The following PTPRD variants were observed in gnomAD, a reference collection of about 807,000 sequenced individuals.
The protein encoded by PTPRD is receptor-type tyrosine-protein phosphatase delta.
A neutral mutation model predicts 214.5 loss-of-function variants in PTPRD; 34 were observed. That is an observed-to-expected ratio of 0.16 (90% CI 0.12 to 0.21). The LOEUF is 0.21. Ranked by LOEUF, PTPRD falls within the 10% of genes least tolerant of loss-of-function variation. The pLI is 1.00. For missense variants in PTPRD, 2,545 were observed against 2,398.7 expected (o/e 1.06, Z -1.27); for synonymous variants, 1,128 against 845.7 (o/e 1.33, Z -5.79).
intron 9 of PTPRD, among the ~76,000 whole-genome samples, chr9:9,192,610 A>G (rs948663812): frequency 6.6e-6 from 1 of 152,112 alleles, no homozygotes; most frequent in Non-Finnish European, 1.5e-5. Flanking sequence ...AGATGATGAG[A>G]CAATAAAACA....
chr9:9,743,512 C>T (rs1225148707), intron 6 of PTPRD, among the ~76,000 whole-genome samples: 1 of 152,066 alleles, frequency 6.6e-6, no homozygotes. Context: ...ATTAGATAAT[C>T]CTGGACTTCA....
At chr9:9,633,353 A>G (rs2095654104) in intron 7 of PTPRD, among the ~76,000 whole-genome samples, 1 of 152,064 alleles carries the variant, frequency 6.6e-6, no homozygotes, top group Non-Finnish European at 1.5e-5. Context: ...GGGAAATTCA[A>G]GATAACACTT....
chr9:10,542,605 A>C (rs968825538), intron 2 of PTPRD, among the ~76,000 whole-genome samples: 1 of 152,116 alleles, frequency 6.6e-6, no homozygotes, highest in Non-Finnish European at 1.5e-5. Context: ...TTTTTCTCTC[A>C]GAGTTATAAT....
intron 3 of PTPRD, among the ~76,000 whole-genome samples, chr9:10,046,075 G>A (rs969037694): frequency 2.0e-5 from 3 of 151,606 alleles, no homozygotes; most frequent in African/African-American, 7.3e-5. Flanking sequence ...CCTTTAATTT[G>A]ATATACAGAA....
chr9:9,363,723 C>A (rs1437346763), intron 9 of PTPRD, among the ~76,000 whole-genome samples: 1 of 151,292 alleles, frequency 6.6e-6, no homozygotes, highest in Non-Finnish European at 1.5e-5. Flanking sequence ...ACTCTAGATT[C>A]TCTAAGAGAG....
intron 14 of PTPRD, among the ~76,000 whole-genome samples, chr9:8,591,523 G>T (rs1335659100): frequency 1.3e-5 from 2 of 152,098 alleles, no homozygotes; most frequent in East Asian, 1.9e-4. Context: ...CTGCTTGATT[G>T]CAATCAAAAT....
intron 8 of PTPRD, among the ~76,000 whole-genome samples, chr9:9,471,921 T>A (rs549904777): frequency 5.9e-5 from 9 of 152,276 alleles, no homozygotes; most frequent in South Asian, 2.1e-4. Context: ...ATGATTTTTT[T>A]AACTACAGTT....
intron 11 of PTPRD, among the ~76,000 whole-genome samples, chr9:8,845,420 A>G (rs1011926990): frequency 6.6e-6 from 1 of 152,214 alleles, no homozygotes; most frequent in African/African-American, 2.4e-5. Flanking sequence ...TCTCCTGGCT[A>G]GCTCTGGCGA....
At chr9:8,371,892 G>A (rs1355211088) in intron 39 of PTPRD, among the ~76,000 whole-genome samples, 1 of 151,948 alleles carries the variant, frequency 6.6e-6, no homozygotes, top group Admixed American at 6.6e-5. Flanking sequence ...TCAGAAGATG[G>A]CCCAAGGAGT....
At chr9:9,843,359 T>C (rs2058773211) in intron 5 of PTPRD, among the ~76,000 whole-genome samples, 1 of 152,074 alleles carries the variant, frequency 6.6e-6, no homozygotes, top group Admixed American at 6.6e-5. Flanking sequence ...ACATTTTTTT[T>C]TAGCCATAAA....
At chr9:9,874,347 G>T (rs1465068345) in intron 5 of PTPRD, among the ~76,000 whole-genome samples, 1 of 152,002 alleles carries the variant, frequency 6.6e-6, no homozygotes, top group East Asian at 1.9e-4. Context: ...TTAACTAAAA[G>T]TCTCTTAAAA....
At chr9:9,042,787 G>C (rs958496361) in intron 10 of PTPRD, among the ~76,000 whole-genome samples, 1 of 151,898 alleles carries the variant, frequency 6.6e-6, no homozygotes, top group Non-Finnish European at 1.5e-5. Context: ...TTTGTAAGTA[G>C]GGCACAGGAA....
intron 33 of PTPRD, among the ~76,000 whole-genome samples, chr9:8,455,752 T>C (rs188724318): frequency 1.1e-4 from 16 of 152,354 alleles, no homozygotes; most frequent in Non-Finnish European, 2.2e-4. Flanking sequence ...AAGAATTCTA[T>C]ATAAATGTTT....
Position 10,261,229 on chromosome 9 carries a change from G to T in PTPRD, c.-545+79734C>A, listed in dbSNP as rs193006537. On this transcript the variant is annotated intron_variant, in intron 3 of 45. Coordinates refer to ENST00000381196, the MANE Select transcript of PTPRD (RefSeq NM_002839.4). The stretch of plus-strand genomic sequence containing the variant: ...CAAAACAAAAACCTAGAGGATCATA[G>T]AAACTAGACACCTGCTATCAAATGA... Among the ~76,000 whole-genome samples the T allele has an allele frequency of 1.9e-3, 293 of 151,520 alleles. 1 individual carries two copies. The highest frequency in any genetic ancestry group is 3.3e-3 in the Non-Finnish European group (224 of 67,762).
chr9:9,232,993 C>T (rs569877752), intron 9 of PTPRD, among the ~76,000 whole-genome samples: 2 of 152,204 alleles, frequency 1.3e-5, no homozygotes, highest in East Asian at 1.9e-4. Context: ...ATTCTCTAAC[C>T]CAACCTTGTC....
chr9:8,975,780 G>A (rs562508029), intron 11 of PTPRD, among the ~76,000 whole-genome samples: 1 of 144,318 alleles, frequency 6.9e-6, no homozygotes, highest in South Asian at 2.2e-4. Context: ...AAACTATATT[G>A]AGAAACCATA....
At chr9:9,401,865 A>G (rs951824272) in intron 8 of PTPRD, among the ~76,000 whole-genome samples, 1 of 151,946 alleles carries the variant, frequency 6.6e-6, no homozygotes, top group African/African-American at 2.4e-5. Flanking sequence ...TTCTGCCTTC[A>G]TGTGAAGAAG....
At chr9:9,899,859 C>G (rs544526716) in intron 5 of PTPRD, among the ~76,000 whole-genome samples, 1 of 152,068 alleles carries the variant, frequency 6.6e-6, no homozygotes, top group East Asian at 1.9e-4. Context: ...GAACACTAGT[C>G]TTAAGAAAGA....
intron 9 of PTPRD, among the ~76,000 whole-genome samples, chr9:9,239,983 G>C (rs1452586641): frequency 6.6e-6 from 1 of 152,122 alleles, no homozygotes; most frequent in Non-Finnish European, 1.5e-5. Context: ...CCTTGGTTAA[G>C]ACAAGGCTAG....
Sources: allele counts gnomAD v4.1 joint callset (sites outside exome capture counted in the v4.1 genomes callset), GRCh38; gene constraint gnomAD v4.1.1; transcripts MANE v1.5; gene names NCBI Gene and HGNC (gene_info 2026-07-23, HGNC 2026-07-21).